The following MEP1B variants were observed in gnomAD, a reference collection of about 807,000 sequenced individuals.
The protein encoded by MEP1B is meprin A subunit beta.
Under a neutral mutation model 84.6 loss-of-function variants are expected in MEP1B, and 80 were observed. That is an observed-to-expected ratio of 0.95 (90% CI 0.79 to 1.14). The LOEUF (loss-of-function observed/expected upper bound fraction) is 1.14. Ranked by LOEUF, MEP1B falls within the 50% of genes most tolerant of loss-of-function variation. The pLI is 0.00. For missense variants in MEP1B, 766 were observed against 855.1 expected (o/e 0.90, Z 1.30); for synonymous variants, 273 against 288.1 (o/e 0.95, Z 0.53).
At position 32,208,238 on chromosome 18, in the gene MEP1B, G is replaced by C; in HGVS notation, c.886G>C (p.Glu296Gln). The C allele has an allele frequency of 6.2e-7, 1 of 1,613,906 alleles. No homozygotes were observed. Among genetic ancestry groups the C allele is most frequent in the Non-Finnish European group, 8.5e-7 (1 of 1,179,812 alleles). Residue 296 changes from glutamate (E) to glutamine (Q), a missense_variant, in exon 9 of 15, where the codon GAG becomes CAG. By Grantham distance (29) the Glu-to-Gln change is conservative. Coordinates refer to ENST00000269202, the MANE Select transcript of MEP1B (RefSeq NM_005925.3). The stretch of plus-strand genomic sequence containing the variant: ...GGTTTCACAGGTTCCCAGGGGGCCA[G>C]AGAGTGATCACTCCAACATGGGCCA... ...QRVSQVPRGP[E>Q]SDHSNMGQCQ...
At chr18:32,191,242 G>A (rs1255139039) in intron 1 of MEP1B, among the ~76,000 whole-genome samples, 1 of 149,522 alleles carries the variant, frequency 6.7e-6, no homozygotes, top group Non-Finnish European at 1.5e-5. Flanking sequence ...TGTAGTCTGA[G>A]TTTCATTGAC....
At position 32,213,282 on chromosome 18, in the gene MEP1B, A is replaced by G. The variant is rs1464557708; in HGVS notation, c.1302A>G (p.Ile434Met). Residue 434 changes from isoleucine (I) to methionine (M), a missense_variant, in exon 11 of 15, where the codon ATA becomes ATG. Ile to Met is a conservative substitution (Grantham distance 10, BLOSUM62 1). Transcript: ENST00000269202. ...GGTGCCCTCATCATATCTGGCATAT[A>G]AGGAATTTCACACAGTTCATTGGCA... ...ETRCPHHIWH[I>M]RNFTQFIGSP... is the part of the protein sequence containing the mutation. The G allele has an allele frequency of 3.1e-6, 5 of 1,613,988 alleles. No homozygotes were observed. Among genetic ancestry groups the G allele is most frequent in the Middle Eastern group, 3.3e-4 (2 of 6,062 alleles).
chr18:32,213,516 G>A lies in MEP1B; in HGVS notation c.1536G>A (p.Met512Ile). 1 of 1,613,864 alleles carries A rather than the reference G, an allele frequency of 6.2e-7. No individual in the cohort carries two copies. Among genetic ancestry groups the A allele is most frequent in the Non-Finnish European group, 8.5e-7 (1 of 1,179,848 alleles). Residue 512 changes from methionine to isoleucine, a missense_variant, in exon 11 of 15, where the codon ATG becomes ATA. Physicochemically the swap from Met to Ile is conservative, Grantham distance 10 (BLOSUM62 1). Transcript: ENST00000269202. ...AAAATCCTGACATTCGACAGCGTAT[G>A]TCCAATCAGCGGAGTATAACTACAG... is the stretch of plus-strand genomic sequence containing the variant. Reference protein sequence around the residue: ...LDQNPDIRQRMSNQRSITTDP... With the variant: ...LDQNPDIRQRISNQRSITTDP...
In MEP1B at chr18:32,207,257, G is replaced by C. The variant is rs775296724; in HGVS notation, c.553G>C (p.Glu185Gln). The C allele has an allele frequency of 4.4e-6, 7 of 1,602,386 alleles. No individual in the cohort carries two copies. Among genetic ancestry groups the C allele is most frequent in the East Asian group, 2.2e-5 (1 of 44,714 alleles). The part of the protein sequence containing the change: ...IMWDRILSGR[E>Q]HNFNTYSDDI... ...ATTTTTTATTTATCCTTTAGGCAGA[G>C]AGCACAATTTTAACACCTATAGTGA... Residue 185 changes from glutamate (E) to glutamine (Q), a missense_variant, in exon 8 of 15, where the codon GAG becomes CAG. Coordinates refer to ENST00000269202, the MANE Select transcript of MEP1B (RefSeq NM_005925.3).
chr18:32,215,683 G>A (rs1156259085), intron 12 of MEP1B, among the ~76,000 whole-genome samples: 4 of 152,022 alleles, frequency 2.6e-5, no homozygotes, highest in Non-Finnish European at 5.9e-5. Context: ...AATTAGCTGG[G>A]CGTGGTGGCG....
At chr18:32,197,368 T>C in intron 5 of MEP1B, among the ~76,000 whole-genome samples, 1 of 151,590 alleles carries the variant, frequency 6.6e-6, no homozygotes, top group Non-Finnish European at 1.5e-5. Context: ...AAAACCCTGC[T>C]ATAGTTTTTT....
chr18:32,210,558 T>C lies in MEP1B; in HGVS notation c.977T>C (p.Val326Ala), dbSNP rs1177962049. 1 of 1,614,038 alleles carries C rather than the reference T, an allele frequency of 6.2e-7. No homozygotes were observed. Among genetic ancestry groups the C allele is most frequent in the East Asian group, 2.2e-5 (1 of 44,882 alleles). The part of the protein sequence containing the change: ...SSSVNVGATA[V>A]LESRTLYPKR... ...TCTGTAAATGTGGGGGCCACAGCAG[T>C]GCTGGAAAGTAGAACGCTGTACCCT... is the stretch of plus-strand genomic sequence containing the variant. The change falls in exon 10 of 15, where the codon GTG becomes GCG. Residue 326 changes from valine to alanine, a missense_variant. Transcript: ENST00000269202.
chr18:32,207,254 A>T lies in MEP1B; in HGVS notation c.550A>T (p.Arg184Ter), dbSNP rs916100701. ...AAGATTTTTTATTTATCCTTTAGGC[A>T]GAGAGCACAATTTTAACACCTATAG... ...RIMWDRILSG[R>*]EHNFNTYSDD... Residue 184 changes from arginine (R) to a stop codon, truncating the protein, a stop_gained and splice_region_variant, in exon 8 of 15, where the codon AGA (arginine) becomes TGA (stop). Transcript: ENST00000269202. LOFTEE classifies it high-confidence loss of function. 3.1e-6 allele frequency: 5 copies of T among 1,599,540 alleles called. No homozygotes were observed. Among genetic ancestry groups the T allele is most frequent in the Non-Finnish European group, 4.3e-6 (5 of 1,168,146 alleles).
Position 32,213,423 on chromosome 18 carries a change from T to C in MEP1B, c.1443T>C (p.Ser481=), listed in dbSNP as rs745837243. The change falls in exon 11 of 15, where the codon TCT becomes TCC. Residue 481 remains serine (S), a synonymous_variant. Coordinates refer to ENST00000269202, the MANE Select transcript of MEP1B (RefSeq NM_005925.3). ...TNAGIYFHLI[S]GANDDQLQWP... Reference sequence around the variant, plus strand: ...CAGGGATATATTTCCACTTGATCTCTGGAGCCAATGATGATCAATTACAGT... The same window carrying C: ...CAGGGATATATTTCCACTTGATCTCCGGAGCCAATGATGATCAATTACAGT... 1.9e-6 allele frequency: 3 copies of C among 1,613,790 alleles called. No homozygotes were observed. Among genetic ancestry groups the C allele is most frequent in the Admixed American group, 3.3e-5 (2 of 60,030 alleles).
At position 32,196,338 on chromosome 18, in the gene MEP1B, G is replaced by A. The variant is rs776564938; in HGVS notation, c.250+853G>A. The stretch of plus-strand genomic sequence containing the variant: ...CGTTGCGGTAGATCTCATGCATGGC[G>A]CGCCGCAGGGCCACGGCCAGCTGGG... On this transcript the variant is annotated intron_variant, in intron 5 of 14. Coordinates refer to ENST00000269202, the MANE Select transcript of MEP1B (RefSeq NM_005925.3). This position sits in a 1 kb window ranked among gnomAD's most constrained non-coding sequence, Gnocchi z 4.4. 129 of 702,272 alleles carry A rather than the reference G, an allele frequency of 1.8e-4. No individual in the cohort carries two copies. Among genetic ancestry groups the A allele is most frequent in the Non-Finnish European group, 3.1e-4 (115 of 376,668 alleles). 43.5% of individuals were successfully genotyped at this position (702,272 alleles called of 1,614,324 possible).
At chr18:32,207,526 A>G (rs2040978804) in intron 8 of MEP1B, 56 bp downstream of exon 8, 1 of 1,246,440 alleles carries the variant, frequency 8.0e-7, no homozygotes, top group Non-Finnish European at 1.2e-6. Context: ...GTAGGAAAAA[A>G]TGATGGTCTG....
intron 12 of MEP1B, among the ~76,000 whole-genome samples, chr18:32,215,686 T>TGGTGGCGGGCGC (rs1457383824): frequency 1.3e-5 from 2 of 151,828 alleles, no homozygotes; most frequent in African/African-American, 4.8e-5. Flanking sequence ...TAGCTGGGCG[T>TGGTGGCGGGCGC]GGTGGCGGGC....
At chr18:32,218,729 G>T (rs573850223) in intron 14 of MEP1B, among the ~76,000 whole-genome samples, 1 of 152,284 alleles carries the variant, frequency 6.6e-6, no homozygotes, top group African/African-American at 2.4e-5. Context: ...CTCCCTCTTA[G>T]GCACGTCCTG....
At chr18:32,192,967 T>C (rs2040817297) in intron 4 of MEP1B, 150 bp downstream of exon 4, 4 of 628,352 alleles carry the variant, frequency 6.4e-6, no homozygotes, top group Admixed American at 3.0e-5. Context: ...TCAATGAATA[T>C]ATTATACTCA....
intron 5 of MEP1B, among the ~76,000 whole-genome samples, chr18:32,198,061 T>C (rs1235400438): frequency 1.3e-5 from 2 of 152,202 alleles, no homozygotes; most frequent in East Asian, 3.8e-4. Flanking sequence ...TGAATTATGA[T>C]AGAATGGAAT....
At chr18:32,209,022 C>A (rs2040994841) in intron 9 of MEP1B, among the ~76,000 whole-genome samples, 1 of 152,156 alleles carries the variant, frequency 6.6e-6, no homozygotes, top group South Asian at 2.1e-4. Context: ...GAAGAAGAAT[C>A]CAGACCAGGT....
At chr18:32,200,430 AT>A (rs1417932849) in intron 5 of MEP1B, among the ~76,000 whole-genome samples, 1 of 152,128 alleles carries the variant, frequency 6.6e-6, no homozygotes, top group African/African-American at 2.4e-5. Context: ...ATTATTTCTT[AT>A]TTAGAAAATA....
chr18:32,210,723 T>C lies in MEP1B; in HGVS notation c.1135+7T>C, dbSNP rs1414653672. The C allele has an allele frequency of 1.2e-6, 2 of 1,607,166 alleles. No homozygotes were observed. Among genetic ancestry groups the C allele is most frequent in the Middle Eastern group, 1.9e-4 (1 of 5,274 alleles). On this transcript the variant is annotated splice_region_variant and intron_variant, in intron 10 of 14. Coordinates refer to ENST00000269202, the MANE Select transcript of MEP1B (RefSeq NM_005925.3). ...CTTGTGGAAGAAATAAAAGGTACAA[T>C]GTCAACATCCTTATTGTCTGGATTT...
intron 8 of MEP1B, 108 bp from the exon 9 acceptor site, chr18:32,208,011 T>C: frequency 1.8e-6 from 2 of 1,102,472 alleles, no homozygotes; most frequent in Non-Finnish European, 2.6e-6. Context: ...CAGCTAGGTG[T>C]TCCCTGTAAT....
Sources: gnomAD v4.1 joint callset for allele counts (sites outside exome capture counted in the v4.1 genomes callset) on GRCh38, gnomAD v4.1.1 for gene constraint, Gnocchi (gnomAD v3.1) non-coding constraint, MANE v1.5 for transcripts, NCBI Gene and HGNC (gene_info 2026-07-23, HGNC 2026-07-21) for gene names.